TMEM178B: variants seen among roughly 807,000 people sequenced by gnomAD.
TMEM178B encodes transmembrane protein 178B.
TMEM178B carries 5 observed loss-of-function variants against 31.0 expected under a neutral mutation model. The ratio of observed to expected loss-of-function variants is 0.16; its 90% CI spans 0.08 to 0.34. The LOEUF (loss-of-function observed/expected upper bound fraction) is 0.34, where lower values mean the gene tolerates loss of function less well. TMEM178B is among the 10% of genes least tolerant of loss of function. TMEM178B has a pLI of 1.00. For synonymous variants in TMEM178B, 164 were observed against 164.0 expected (o/e 1.00, Z 0.00); for missense variants, 275 against 400.3 (o/e 0.69, Z 2.67).
At chr7:141,402,858 A>C (rs911739113) in intron 2 of TMEM178B, among the ~76,000 whole-genome samples, 1 of 152,220 alleles carries the variant, frequency 6.6e-6, no homozygotes, top group Admixed American at 6.5e-5. Context: ...TAGCAGAGGG[A>C]GTAGAATAGA....
At chr7:141,130,090 C>G (rs1795570388) in intron 1 of TMEM178B, among the ~76,000 whole-genome samples, 1 of 152,138 alleles carries the variant, frequency 6.6e-6, no homozygotes, top group African/African-American at 2.4e-5. Context: ...CTCAGTTAAT[C>G]TCTTCAGGAT....
intron 2 of TMEM178B, among the ~76,000 whole-genome samples, chr7:141,332,537 C>T (rs1356026857): frequency 6.6e-6 from 1 of 152,202 alleles, no homozygotes; most frequent in African/African-American, 2.4e-5. Flanking sequence ...TCGTCCATTC[C>T]TCTAGCTCCC....
rs555745212 is a variant in TMEM178B, at chr7:141,393,313, C to T, written c.497-44295C>T. Among the ~76,000 whole-genome samples, 11 of 152,216 alleles carry T rather than the reference C, an allele frequency of 7.2e-5. No homozygotes were observed. In the South Asian group the frequency reaches 1.7e-3, roughly 23 times the overall value. On this transcript the variant is annotated intron_variant, in intron 2 of 3. Transcript: ENST00000565468. ...TGAGAGACAACTATTTACTCAGCAT[C>T]GAGGGGAAGTCACAGGAAATATAAA...
At chr7:141,265,398 G>A (rs940032966) in intron 2 of TMEM178B, among the ~76,000 whole-genome samples, 1 of 151,386 alleles carries the variant, frequency 6.6e-6, no homozygotes, top group African/African-American at 2.4e-5. Context: ...CACAGGGTGA[G>A]GTTGCATGTT....
intron 2 of TMEM178B, among the ~76,000 whole-genome samples, chr7:141,393,999 A>G (rs1049733119): frequency 6.6e-6 from 1 of 150,864 alleles, no homozygotes; most frequent in African/African-American, 2.4e-5. Flanking sequence ...AAAAGACTGG[A>G]CACATTCAAG....
intron 1 of TMEM178B, among the ~76,000 whole-genome samples, chr7:141,108,708 C>T (rs1206916519): frequency 1.3e-5 from 2 of 152,066 alleles, no homozygotes; most frequent in African/African-American, 2.4e-5. Context: ...GGGCTGTGGT[C>T]CCAGGTATAA....
chr7:141,400,483 C>T (rs574042371), intron 2 of TMEM178B, among the ~76,000 whole-genome samples: 29 of 152,258 alleles, frequency 1.9e-4, no homozygotes, highest in African/African-American at 7.0e-4. Flanking sequence ...TTTCATCTTT[C>T]CTAGAACCTC....
At chr7:141,091,068 T>C (rs1035767779) in intron 1 of TMEM178B, among the ~76,000 whole-genome samples, 2 of 152,188 alleles carry the variant, frequency 1.3e-5, no homozygotes, top group Admixed American at 6.5e-5. Context: ...ATGATTCATA[T>C]CAAGGAAATA....
intron 1 of TMEM178B, among the ~76,000 whole-genome samples, chr7:141,161,388 C>G (rs1415187219): frequency 6.6e-6 from 1 of 152,062 alleles, no homozygotes; most frequent in Admixed American, 6.6e-5. Flanking sequence ...TGGAGGTGAG[C>G]TGGGAAAGGC....
rs1475493377 is a variant in TMEM178B, at chr7:141,151,179, G to A, written c.383-61412G>A. On this transcript the variant is annotated intron_variant, in intron 1 of 3. Coordinates refer to ENST00000565468, the MANE Select transcript of TMEM178B (RefSeq NM_001195278.2). ...ACTGACTCTCCCCTTGGCGTTTATT[G>A]TTGAGTGTACAGCATCCCTGTGTGC... 2.6e-5 allele frequency among the ~76,000 whole-genome samples: 4 copies of A among 152,170 alleles called. No homozygotes were observed. In the South Asian group the frequency reaches 6.2e-4, roughly 24 times the overall value.
rs571058786 is a variant in TMEM178B at position 141,138,480 on chromosome 7, G to A, written c.382+63788G>A. Among the ~76,000 whole-genome samples the A allele has an allele frequency of 5.3e-5, 8 of 152,184 alleles. No homozygotes were observed. The East Asian group carries it at 5.8e-4, about 11-fold the overall frequency. On this transcript the variant is annotated intron_variant, in intron 1 of 3. Coordinates refer to ENST00000565468, the MANE Select transcript of TMEM178B (RefSeq NM_001195278.2). ...GCAAGACCCCAGAAGAGAGAAGATG[G>A]CCCAGGTGGTTTCATCCCAGGGCCT...
chr7:141,135,730 A>C (rs890487402), intron 1 of TMEM178B, among the ~76,000 whole-genome samples: 1 of 152,154 alleles, frequency 6.6e-6, no homozygotes, highest in African/African-American at 2.4e-5. Context: ...TTACAGCAAA[A>C]GCAGTTCTAA....
chr7:141,127,786 C>T (rs1234425396), intron 1 of TMEM178B, among the ~76,000 whole-genome samples: 1 of 152,092 alleles, frequency 6.6e-6, no homozygotes, highest in Non-Finnish European at 1.5e-5. Flanking sequence ...TGTGGTCAGC[C>T]CTTTTAGCTT....
chr7:141,074,227 C>T lies in TMEM178B; in HGVS notation c.-84C>T, dbSNP rs1794556379. ...TCTCCTGCCCCCTCCCCCAGCTCGG[C>T]CGCCCGCCGCTTTGTTCCGGGTGCG... On this transcript the variant is annotated 5_prime_UTR_variant, in exon 1 of 4. Coordinates refer to ENST00000565468, the MANE Select transcript of TMEM178B (RefSeq NM_001195278.2). This position sits in a 1 kb window ranked among gnomAD's most constrained non-coding sequence, Gnocchi z 5.1. 1.4e-6 allele frequency: 2 copies of T among 1,435,276 alleles called. No individual in the cohort carries two copies. The highest frequency in any genetic ancestry group is 2.7e-5 in the Admixed American group (1 of 36,520). 88.9% of individuals were successfully genotyped at this position (1,435,276 alleles called of 1,614,324 possible).
At chr7:141,507,634 G>A in the TMEM178B span, among the ~76,000 whole-genome samples, 1 of 152,364 alleles carries the variant, frequency 6.6e-6, no homozygotes, top group African/African-American at 2.4e-5. Context: ...GCCTCCCAAA[G>A]TGCTGGGATT....
In TMEM178B at chr7:141,474,761, T is replaced by C; in HGVS notation, c.*3975T>C. On this transcript the variant is annotated 3_prime_UTR_variant, in exon 4 of 4. Transcript: ENST00000565468. ...GATAAGATGCCGGAAATGAATGCAC[T>C]GTGTGTAGCTGTCTTGATTTAGTGG... The C allele has an allele frequency of 6.6e-6, 1 of 152,302 alleles. No homozygotes were observed. The highest frequency in any genetic ancestry group is 2.4e-5 in the African/African-American group (1 of 41,568). The allele number at this position is 152,302 out of a possible 1,614,324, so 9.4% of individuals were successfully genotyped here. A position where few individuals can be genotyped will look rare whatever the true frequency, so the allele number is the denominator to read the frequency against.
chr7:141,347,989 A>G (rs544283803), intron 2 of TMEM178B, among the ~76,000 whole-genome samples: 19 of 152,328 alleles, frequency 1.2e-4, no homozygotes, highest in African/African-American at 3.6e-4. Context: ...GTCCACCTCA[A>G]TGAGTACAGA....
chr7:141,208,034 T>TA lies in TMEM178B; in HGVS notation c.383-4548dup, dbSNP rs565902585. On this transcript the variant is annotated intron_variant, in intron 1 of 3. Coordinates refer to ENST00000565468, the MANE Select transcript of TMEM178B (RefSeq NM_001195278.2). ...GTGAGACCCCCATCTCTACTAAAAA[T>TA]AAAAAAAAATTAACTGGACATGGTG... Among the ~76,000 whole-genome samples, 337 of 151,086 alleles carry TA rather than the reference T, an allele frequency of 2.2e-3. 1 individual carries two copies. The highest frequency in any genetic ancestry group is 7.5e-3 in the African/African-American group (307 of 41,186).
intron 2 of TMEM178B, among the ~76,000 whole-genome samples, chr7:141,251,287 A>G (rs1177485375): frequency 1.3e-5 from 2 of 151,986 alleles, no homozygotes; most frequent in East Asian, 3.9e-4. Flanking sequence ...CACCCGCAGG[A>G]ATCAGAGAAG....
Sources: gnomAD v4.1 joint callset for allele counts (sites outside exome capture counted in the v4.1 genomes callset) on GRCh38, gnomAD v4.1.1 for gene constraint, Gnocchi (gnomAD v3.1) non-coding constraint, MANE v1.5 for transcripts, NCBI Gene and HGNC (gene_info 2026-07-23, HGNC 2026-07-21) for gene names.